Variants in PLCXD3 observed in about 807,000 individuals in gnomAD.
PLCXD3 encodes the protein phosphatidylinositol specific phospholipase C X domain containing 3.
Under a neutral mutation model 25.5 loss-of-function variants are expected in PLCXD3, and 19 were observed. That is an observed-to-expected ratio of 0.75 (90% CI 0.52 to 1.09). The LOEUF is 1.09. PLCXD3 is among the 50% of genes least tolerant of loss of function. The pLI, the probability that PLCXD3 is intolerant of heterozygous loss-of-function variation, is 0.00. For missense variants in PLCXD3, 411 were observed against 388.1 expected (o/e 1.06, Z -0.50); for synonymous variants, 174 against 137.6 (o/e 1.26, Z -1.85).
intron 2 of PLCXD3, among the ~76,000 whole-genome samples, chr5:41,341,724 A>G (rs907855571): frequency 6.6e-5 from 10 of 152,170 alleles, no homozygotes; most frequent in African/African-American, 2.4e-4. Context: ...TAGAAAAAAA[A>G]AAGTTCTTAT....
At chr5:41,379,976 T>C (rs1580337184) in intron 2 of PLCXD3, among the ~76,000 whole-genome samples, 1 of 152,074 alleles carries the variant, frequency 6.6e-6, no homozygotes, top group East Asian at 1.9e-4. Flanking sequence ...AACAGAGCAG[T>C]CCCGGCTAAT....
At chr5:41,505,524 A>C (rs1232877345) in intron 1 of PLCXD3, among the ~76,000 whole-genome samples, 2 of 152,232 alleles carry the variant, frequency 1.3e-5, no homozygotes, top group African/African-American at 2.4e-5. Flanking sequence ...GCTTATAAAT[A>C]AAATGAATCA....
intron 2 of PLCXD3, among the ~76,000 whole-genome samples, chr5:41,323,615 C>A (rs562653807): frequency 5.3e-5 from 8 of 152,058 alleles, no homozygotes. Flanking sequence ...TCAGTGTAGA[C>A]AAGTGATGGG....
intron 1 of PLCXD3, among the ~76,000 whole-genome samples, chr5:41,437,799 G>A (rs1385213214): frequency 6.6e-6 from 1 of 152,118 alleles, no homozygotes. Context: ...ACCTAATTAA[G>A]TTTTTCTACA....
At chr5:41,417,842 G>A (rs1055659814) in intron 1 of PLCXD3, among the ~76,000 whole-genome samples, 3 of 152,202 alleles carry the variant, frequency 2.0e-5, no homozygotes, top group Non-Finnish European at 4.4e-5. Context: ...TGGGCCTGAG[G>A]GGGTGTCTAT....
At chr5:41,349,925 A>ATT (rs199678160) in intron 2 of PLCXD3, among the ~76,000 whole-genome samples, 2 of 144,424 alleles carry the variant, frequency 1.4e-5, no homozygotes, top group South Asian at 2.2e-4. Flanking sequence ...GCAGGATTGG[A>ATT]TTTTTTTTTT....
chr5:41,440,759 A>G (rs1258902544), intron 1 of PLCXD3, among the ~76,000 whole-genome samples: 2 of 151,702 alleles, frequency 1.3e-5, no homozygotes, highest in Admixed American at 1.3e-4. Context: ...ATACCTCACG[A>G]TAACCGTGTT....
chr5:41,362,209 A>G (rs1337136190), intron 2 of PLCXD3, among the ~76,000 whole-genome samples: 2 of 152,230 alleles, frequency 1.3e-5, no homozygotes, highest in African/African-American at 2.4e-5. Flanking sequence ...TAGTTAGAAA[A>G]TGTGTGATAC....
In PLCXD3 at chr5:41,392,702, C is replaced by T. The variant is rs534850881; in HGVS notation, c.104-10168G>A. 2.0e-5 allele frequency among the ~76,000 whole-genome samples: 3 copies of T among 152,200 alleles called. No homozygotes were observed. The East Asian group carries it at 5.8e-4, about 29-fold the overall frequency. On this transcript the variant is annotated intron_variant, in intron 1 of 2. Coordinates refer to ENST00000377801, the MANE Select transcript of PLCXD3 (RefSeq NM_001005473.3). ...ATCATCCAGGAAAACTTGACCTCAC[C>T]AAATTAACTAAATGAGGCACCAGGG...
intron 2 of PLCXD3, among the ~76,000 whole-genome samples, chr5:41,369,594 C>T (rs1463645184): frequency 1.3e-5 from 2 of 152,088 alleles, no homozygotes; most frequent in Non-Finnish European, 2.9e-5. Flanking sequence ...GATTCTGCTG[C>T]CTCAGCCTCT....
intron 2 of PLCXD3, among the ~76,000 whole-genome samples, chr5:41,380,948 T>G (rs900770264): frequency 2.6e-5 from 4 of 152,152 alleles, no homozygotes; most frequent in Non-Finnish European, 5.9e-5. Flanking sequence ...TGGCTGGGCT[T>G]GACCAATGAA....
intron 1 of PLCXD3, among the ~76,000 whole-genome samples, chr5:41,476,575 A>G (rs940507735): frequency 2.0e-5 from 3 of 152,166 alleles, no homozygotes; most frequent in African/African-American, 7.2e-5. Flanking sequence ...AACATGTTCT[A>G]TGTGACTCCA....
intron 1 of PLCXD3, among the ~76,000 whole-genome samples, chr5:41,454,128 A>G (rs1475028173): frequency 2.0e-5 from 3 of 151,982 alleles, no homozygotes; most frequent in Non-Finnish European, 4.4e-5. Flanking sequence ...CCTCCCAAAT[A>G]TTAATGTCCA....
At chr5:41,395,363 A>G (rs531545272) in intron 1 of PLCXD3, among the ~76,000 whole-genome samples, 10 of 152,128 alleles carry the variant, frequency 6.6e-5, no homozygotes, top group South Asian at 2.1e-4. Flanking sequence ...AAGTGCCTAC[A>G]TCAAAACAAG....
At chr5:41,501,547 A>T (rs899755300) in intron 1 of PLCXD3, among the ~76,000 whole-genome samples, 1 of 152,082 alleles carries the variant, frequency 6.6e-6, no homozygotes, top group Non-Finnish European at 1.5e-5. Flanking sequence ...GAGGGGGAAA[A>T]GGGAAGTTTC....
At chr5:41,448,436 A>G (rs1747554062) in intron 1 of PLCXD3, among the ~76,000 whole-genome samples, 1 of 152,256 alleles carries the variant, frequency 6.6e-6, no homozygotes, top group African/African-American at 2.4e-5. Context: ...GGTGCCAATT[A>G]GGTTTTCCAA....
At chr5:41,407,030 G>C (rs1746372925) in intron 1 of PLCXD3, among the ~76,000 whole-genome samples, 1 of 152,126 alleles carries the variant, frequency 6.6e-6, no homozygotes, top group Admixed American at 6.5e-5. Context: ...TGCTGAGTCT[G>C]CCTGCCTGCC....
At chr5:41,497,811 T>C (rs1561291206) in intron 1 of PLCXD3, among the ~76,000 whole-genome samples, 1 of 151,948 alleles carries the variant, frequency 6.6e-6, no homozygotes, top group East Asian at 1.9e-4. Flanking sequence ...TTTAAGAGTA[T>C]TGAAATTATA....
chr5:41,331,705 A>G (rs1743811287), intron 2 of PLCXD3, among the ~76,000 whole-genome samples: 1 of 152,216 alleles, frequency 6.6e-6, no homozygotes, highest in Non-Finnish European at 1.5e-5. Flanking sequence ...CTACAAGGCT[A>G]CAGTAACCAA....
Sources: gnomAD v4.1 joint callset for allele counts (sites outside exome capture counted in the v4.1 genomes callset) on GRCh38, gnomAD v4.1.1 for gene constraint, MANE v1.5 for transcripts, NCBI Gene and HGNC (gene_info 2026-07-23, HGNC 2026-07-21) for gene names.